RC3H2: variants seen among roughly 807,000 people sequenced by gnomAD.
The protein encoded by RC3H2 is ring finger and CCCH-type domains 2.
RC3H2 carries 31 observed loss-of-function variants against 133.3 expected under a neutral mutation model. That is an observed-to-expected ratio of 0.23 (90% CI 0.17 to 0.31). RC3H2 has a LOEUF of 0.31. Ranked by LOEUF, RC3H2 falls within the 10% of genes least tolerant of loss-of-function variation. RC3H2 has a pLI of 1.00. For synonymous variants in RC3H2, 517 were observed against 502.2 expected, an observed-to-expected ratio of 1.03 and a Z score of -0.40; for missense variants, 1,175 against 1,437.2, an observed-to-expected ratio of 0.82 and a Z score of 2.95.
chr9:122,904,992 G>A, intron 1 of RC3H2, 118 bp downstream of exon 1: 6 of 721,154 alleles, frequency 8.3e-6, no homozygotes, highest in South Asian at 6.1e-5. Context: ...CCCAACCCTC[G>A]AGGCACCAGG....
In RC3H2 at chr9:122,851,343, C is replaced by T; in HGVS notation, c.3211G>A (p.Gly1071Arg). ...CTTACTTCAATTGGTTCACTTTGTC[C>T]ATCAGGTTCATCAGTATCAAGTGCT... ...LSALDTDEPD[G>R]QSEPIEEILD... Residue 1071 changes from glycine to arginine, a missense_variant, in exon 19 of 21, where the codon GGA (glycine) becomes AGA (arginine). Physicochemically the swap from Gly to Arg is moderately radical, Grantham distance 125. This residue lies in a region of RC3H2 where 220 missense variants were observed against 201.1 expected (regional missense o/e 1.09). Transcript: ENST00000357244. 2 of 1,614,116 alleles carry T rather than the reference C, an allele frequency of 1.2e-6. No homozygotes were observed. The highest frequency in any genetic ancestry group is 1.7e-6 in the Non-Finnish European group (2 of 1,179,970).
At position 122,880,008 on chromosome 9, in the gene RC3H2, T is replaced by C. The variant is rs1831542845; in HGVS notation, c.1078A>G (p.Ile360Val). The C allele has an allele frequency of 6.2e-7, 1 of 1,614,206 alleles. No homozygotes were observed. Among genetic ancestry groups the C allele is most frequent in the Non-Finnish European group, 8.5e-7 (1 of 1,180,028 alleles). Residue 360 changes from isoleucine (I) to valine (V), a missense_variant, in exon 7 of 21, where the codon ATA becomes GTA. This residue lies in a region of RC3H2 where 131 missense variants were observed against 154.2 expected (regional missense o/e 0.85). Coordinates refer to ENST00000357244, the MANE Select transcript of RC3H2 (RefSeq NM_001100588.3). ...LRPHLELLAN[I>V]DPNPDAVSPT... Reference sequence around the variant, plus strand: ...TCCCACATACCTGGATTAGGGTCTATGTTTGCAAGAAGCTCTAAATGAGGC... The same window carrying C: ...TCCCACATACCTGGATTAGGGTCTACGTTTGCAAGAAGCTCTAAATGAGGC...
chr9:122,879,167 G>A (rs1196775858), intron 8 of RC3H2, among the ~76,000 whole-genome samples: 5 of 151,656 alleles, frequency 3.3e-5, no homozygotes, highest in Admixed American at 6.6e-5. Flanking sequence ...AGGCCGAGGT[G>A]GGCAGATCAC....
intron 8 of RC3H2, among the ~76,000 whole-genome samples, chr9:122,878,054 A>C (rs1437456372): frequency 6.6e-6 from 1 of 152,206 alleles, no homozygotes; most frequent in East Asian, 1.9e-4. Context: ...TCAGGCTTAA[A>C]CTATTTGAGT....
rs1453332370 is a variant in RC3H2 at position 122,854,619 on chromosome 9, C to T, written c.2816-4G>A. On this transcript the variant is annotated splice_polypyrimidine_tract_variant and splice_region_variant and intron_variant, in intron 15 of 20. Coordinates refer to ENST00000357244, the MANE Select transcript of RC3H2 (RefSeq NM_001100588.3). ...GCATTGACATAAGGGACATAATCTA[C>T]AGACATGTAGAATGAAACAATGGTC... 1.9e-6 allele frequency: 3 copies of T among 1,602,710 alleles called. No homozygotes were observed. The highest frequency in any genetic ancestry group is 1.7e-5 in the Admixed American group (1 of 60,012).
intron 1 of RC3H2, among the ~76,000 whole-genome samples, chr9:122,901,719 G>A (rs1832657236): frequency 6.6e-6 from 1 of 150,560 alleles, no homozygotes; most frequent in Non-Finnish European, 1.5e-5. Context: ...AGCCTCCTGA[G>A]TAGCTGGGAT....
chr9:122,849,264 T>C lies in RC3H2; in HGVS notation c.*363A>G, dbSNP rs1157818952. On this transcript the variant is annotated 3_prime_UTR_variant, in exon 21 of 21. Transcript: ENST00000357244. Reference sequence around the variant, plus strand: ...TAGATGTATCATTGTAGGATCCTGCTAGTTTAATAACTGAGTTGTTAATTT... The same window carrying C: ...TAGATGTATCATTGTAGGATCCTGCCAGTTTAATAACTGAGTTGTTAATTT... 6.6e-6 allele frequency: 1 copy of C among 152,174 alleles called. No individual in the cohort carries two copies. Among genetic ancestry groups the C allele is most frequent in the Non-Finnish European group, 1.5e-5 (1 of 68,080 alleles). The allele number at this position is 152,174 out of a possible 1,614,324, so 9.4% of individuals were successfully genotyped here. A position where few individuals can be genotyped will look rare whatever the true frequency, so the allele number is the denominator to read the frequency against.
At chr9:122,854,432 A>C in intron 16 of RC3H2, 99 bp downstream of exon 16, 1 of 1,195,034 alleles carries the variant, frequency 8.4e-7, no homozygotes, top group Non-Finnish European at 1.2e-6. Context: ...CTCAGACAAC[A>C]AGCAAAGCAC....
chr9:122,876,240 G>A (rs1411005047), intron 9 of RC3H2, among the ~76,000 whole-genome samples: 1 of 152,158 alleles, frequency 6.6e-6, no homozygotes, highest in East Asian at 1.9e-4. Flanking sequence ...GGTACACGAG[G>A]TGAGTACAAT....
At chr9:122,890,220 CGGG>C (rs1564314895) in intron 4 of RC3H2, 89 bp downstream of exon 4, 13 of 855,718 alleles carry the variant, frequency 1.5e-5, no homozygotes, top group Non-Finnish European at 2.5e-5. Flanking sequence ...CATATAAAGA[CGGG>C]TTGAGTCTCA....
At chr9:122,884,852 CAAAA>C (rs984960701) in intron 4 of RC3H2, among the ~76,000 whole-genome samples, 35 of 94,530 alleles carry the variant, frequency 3.7e-4, no homozygotes, top group Non-Finnish European at 5.6e-4. Flanking sequence ...AGTCCGTCTC[CAAAA>C]AAAAAAAAAA....
At chr9:122,899,616 T>C (rs955211553) in intron 1 of RC3H2, among the ~76,000 whole-genome samples, 1 of 152,170 alleles carries the variant, frequency 6.6e-6, no homozygotes, top group Non-Finnish European at 1.5e-5. Context: ...AAAAACCAAT[T>C]AGTTTCCTTC....
At chr9:122,893,233 C>A (rs1212554250) in intron 2 of RC3H2, among the ~76,000 whole-genome samples, 1 of 152,192 alleles carries the variant, frequency 6.6e-6, no homozygotes, top group African/African-American at 2.4e-5. Context: ...GTGGCTCATG[C>A]CCGTAATCCC....
chr9:122,876,022 A>G lies in RC3H2; in HGVS notation c.1325+1449T>C, dbSNP rs115450350. Among the ~76,000 whole-genome samples, 1,167 of 152,308 alleles carry G rather than the reference A, an allele frequency of 7.7e-3. 14 individuals are homozygous for G. Among genetic ancestry groups the G allele is most frequent in the African/African-American group, 0.027 (1,104 of 41,550 alleles). ...GAAGGGGTGGACAGCGAGAGATTTA[A>G]GACTAGTGAGAAGGCAACAAGGGAT... On this transcript the variant is annotated intron_variant, in intron 9 of 20. Coordinates refer to ENST00000357244, the MANE Select transcript of RC3H2 (RefSeq NM_001100588.3).
intron 9 of RC3H2, among the ~76,000 whole-genome samples, chr9:122,872,898 G>A (rs973084701): frequency 1.3e-5 from 2 of 152,140 alleles, no homozygotes; most frequent in African/African-American, 4.8e-5. Context: ...TATTTGTTGA[G>A]TTGGTTGATC....
chr9:122,862,891 CAAAAA>C (rs1168612532), intron 10 of RC3H2, among the ~76,000 whole-genome samples: 1 of 48,138 alleles, frequency 2.1e-5, no homozygotes, highest in Non-Finnish European at 4.4e-5. Flanking sequence ...GACTCCATCT[CAAAAA>C]AAAAAAAAAA....
In RC3H2 at chr9:122,855,262, G is replaced by A; in HGVS notation, c.2737C>T (p.Arg913Cys). Residue 913 changes from arginine to cysteine, a missense_variant, in exon 15 of 21, where the codon CGT (arginine) becomes TGT (cysteine). Arg to Cys is a radical substitution (Grantham distance 180). Around this residue, in one of 8 missense-constraint regions of RC3H2, gnomAD observed 138 missense variants for 215.0 expected, o/e 0.64. Coordinates refer to ENST00000357244, the MANE Select transcript of RC3H2 (RefSeq NM_001100588.3). The part of the protein sequence containing the change: ...SKWGAISRSS[R>C]TGYHTTDPVQ... ...GGATCTGTGGTATGGTAACCTGTACGGGAAGATCTGGAAATCGCACCCCAT... is the reference window on the plus strand; with the variant it reads ...GGATCTGTGGTATGGTAACCTGTACAGGAAGATCTGGAAATCGCACCCCAT... The A allele has an allele frequency of 1.9e-6, 3 of 1,614,146 alleles. No individual in the cohort carries two copies. Among genetic ancestry groups the A allele is most frequent in the Non-Finnish European group, 2.5e-6 (3 of 1,180,024 alleles).
chr9:122,901,426 T>C (rs1419945537), intron 1 of RC3H2, among the ~76,000 whole-genome samples: 3 of 152,078 alleles, frequency 2.0e-5, no homozygotes, highest in Non-Finnish European at 2.9e-5. Flanking sequence ...AGAAACTCAG[T>C]ACTGGAGAAA....
At chr9:122,900,798 C>T (rs1281185316) in intron 1 of RC3H2, among the ~76,000 whole-genome samples, 1 of 152,058 alleles carries the variant, frequency 6.6e-6, no homozygotes, top group Admixed American at 6.5e-5. Flanking sequence ...TTAAGAAAAA[C>T]ATTCTAATTA....
Sources: gnomAD v4.1 joint callset for allele counts (sites outside exome capture counted in the v4.1 genomes callset) on GRCh38, gnomAD v4.1.1 for gene constraint, gnomAD v4.1.1 regional missense constraint, MANE v1.5 for transcripts, NCBI Gene and HGNC (gene_info 2026-07-23, HGNC 2026-07-21) for gene names.